The following GABRR3 variants were observed in gnomAD, a reference collection of about 807,000 sequenced individuals.
GABRR3 encodes gamma-aminobutyric acid type A receptor subunit rho3, also known as gamma-aminobutyric acid receptor subunit rho-3.
A neutral mutation model predicts 43.2 loss-of-function variants in GABRR3; 29 were observed. The observed-to-expected ratio is 0.67, with a 90% CI of 0.50 to 0.92. The LOEUF is 0.92. Ranked by LOEUF, GABRR3 falls within the 40% of genes least tolerant of loss-of-function variation. The pLI is 0.00. For missense variants in GABRR3, 576 were observed against 572.3 expected (o/e 1.01, Z -0.07); for synonymous variants, 206 against 195.9 (o/e 1.05, Z -0.43).
Position 98,007,905 on chromosome 3 carries a change from C to T in GABRR3, c.614-1G>A, listed in dbSNP as rs1265447044. On this transcript the variant is annotated splice_acceptor_variant, in intron 6 of 9. Coordinates refer to ENST00000621172, the Ensembl canonical transcript of GABRR3. LOFTEE classifies it high-confidence loss of function. ...ATTAGGTCATCCTCATTGTAGGCAT[C>T]TAAAACATGAAAATATCAGTCTTGT... is the stretch of plus-strand genomic sequence containing the variant. 3 of 1,552,610 alleles carry T rather than the reference C, an allele frequency of 1.9e-6. No individual in the cohort carries two copies. The highest frequency in any genetic ancestry group is 2.6e-6 in the Non-Finnish European group (3 of 1,149,850).
Position 97,995,048 on chromosome 3 carries a change from G to A in GABRR3, c.908-2000C>T, listed in dbSNP as rs574143200. Among the ~76,000 whole-genome samples, 15 of 151,764 alleles carry A rather than the reference G, an allele frequency of 9.9e-5. No homozygotes were observed. In the South Asian group the frequency reaches 1.9e-3, roughly 19 times the overall value. On this transcript the variant is annotated intron_variant, in intron 8 of 9. Transcript: ENST00000621172. ...GGCTGGAGTGCAGTGGCACGATCTCGGCTCACTGCAACCTCCGCCTCCTGG... is the reference window on the plus strand; with the variant it reads ...GGCTGGAGTGCAGTGGCACGATCTCAGCTCACTGCAACCTCCGCCTCCTGG...
chr3:98,005,935 C>T (rs987626247), intron 7 of GABRR3, among the ~76,000 whole-genome samples: 3 of 151,844 alleles, frequency 2.0e-5, no homozygotes, highest in Admixed American at 6.6e-5. Context: ...AGTTATTTTT[C>T]ATTTTAGCAA....
intron 2 of GABRR3, among the ~76,000 whole-genome samples, chr3:98,033,820 G>A (rs768020637): frequency 6.6e-6 from 1 of 152,162 alleles, no homozygotes; most frequent in African/African-American, 2.4e-5. Context: ...GGGTCTGGGA[G>A]CAGAAGCATG....
chr3:98,001,412 CTAAAAT>C (rs1320541042), intron 8 of GABRR3, 197 bp downstream of exon 8: 2 of 575,114 alleles, frequency 3.5e-6, no homozygotes, highest in East Asian at 5.7e-5. Context: ...GACTTCATCC[CTAAAAT>C]CCGGGTTCCC....
intron 4 of GABRR3, among the ~76,000 whole-genome samples, chr3:98,014,062 A>C (rs1706843966): frequency 6.6e-6 from 1 of 152,098 alleles, no homozygotes; most frequent in Non-Finnish European, 1.5e-5. Context: ...AGAAGCAAAA[A>C]CAAATAAACA....
chr3:97,990,355 T>G (rs1459254262), intron 9 of GABRR3, among the ~76,000 whole-genome samples: 1 of 152,086 alleles, frequency 6.6e-6, no homozygotes. Context: ...CTTCTTTTTT[T>G]TTTTTTAGAC....
chr3:98,010,149 G>A (rs953560835), intron 5 of GABRR3, among the ~76,000 whole-genome samples: 1 of 152,158 alleles, frequency 6.6e-6, no homozygotes, highest in Non-Finnish European at 1.5e-5. Context: ...AGAATGACTC[G>A]CAGAACCCAG....
chr3:97,986,761 G>A (rs766402063), exon 10 of GABRR3: 7 of 1,603,368 alleles, frequency 4.4e-6, no homozygotes, highest in African/African-American at 1.3e-5. Context: ...AGGTGTCAAT[G>A]ACATGGTTGT....
intron 5 of GABRR3, among the ~76,000 whole-genome samples, chr3:98,010,562 T>G (rs1054837470): frequency 1.3e-5 from 2 of 152,088 alleles, no homozygotes; most frequent in South Asian, 4.1e-4. Flanking sequence ...TAAACAAAGA[T>G]ACTCTCATCA....
chr3:97,990,302 C>T (rs1706446657), intron 9 of GABRR3, among the ~76,000 whole-genome samples: 2 of 152,052 alleles, frequency 1.3e-5, no homozygotes, highest in Admixed American at 1.3e-4. Context: ...TAACCTGGAA[C>T]ACGAAGCTGG....
At chr3:98,021,191 T>A (rs1026555703) in intron 3 of GABRR3, among the ~76,000 whole-genome samples, 3 of 152,094 alleles carry the variant, frequency 2.0e-5, no homozygotes, top group Non-Finnish European at 4.4e-5. Context: ...TTGAGCTCCA[T>A]GTCCCACTGC....
At chr3:98,005,001 C>T (rs966744367) in intron 7 of GABRR3, among the ~76,000 whole-genome samples, 12 of 151,916 alleles carry the variant, frequency 7.9e-5, no homozygotes, top group Non-Finnish European at 1.6e-4. Flanking sequence ...TGTAATCTTT[C>T]CGAAACCTAA....
rs149665428 is a variant in GABRR3, at chr3:98,021,228, T to C, written c.239-3506A>G. On this transcript the variant is annotated intron_variant, in intron 3 of 9. Transcript: ENST00000621172. The stretch of plus-strand genomic sequence containing the variant: ...CCTTATTCATGGGTTTGAGGAACTG[T>C]ATTACGCTCTAGCATTCTTGAGGAT... Among the ~76,000 whole-genome samples, 4 of 152,102 alleles carry C rather than the reference T, an allele frequency of 2.6e-5. No individual in the cohort carries two copies. The East Asian group carries it at 7.7e-4, about 29-fold the overall frequency.
chr3:98,018,169 G>T (rs1478277956), intron 3 of GABRR3, among the ~76,000 whole-genome samples: 1 of 152,106 alleles, frequency 6.6e-6, no homozygotes, highest in Non-Finnish European at 1.5e-5. Flanking sequence ...AATCCTTGAC[G>T]TGGGCAATGT....
chr3:98,031,548 C>A (rs1326149727), intron 2 of GABRR3, among the ~76,000 whole-genome samples: 1 of 151,930 alleles, frequency 6.6e-6, no homozygotes, highest in Non-Finnish European at 1.5e-5. Flanking sequence ...AGTTTGAGTC[C>A]AGCCTGGGCA....
intron 2 of GABRR3, among the ~76,000 whole-genome samples, chr3:98,030,476 C>T (rs1441583643): frequency 1.3e-5 from 2 of 152,194 alleles, no homozygotes; most frequent in Middle Eastern, 3.4e-3. Flanking sequence ...GGTTTCTATG[C>T]TATGATTTTA....
intron 9 of GABRR3, among the ~76,000 whole-genome samples, chr3:97,987,895 C>T (rs116357953): frequency 0.012 from 1,856 of 152,090 alleles, 46 homozygotes; most frequent in African/African-American, 0.043. Flanking sequence ...TTCCCACCTC[C>T]GCCTCCTGAG....
intron 1 of GABRR3, 90 bp downstream of exon 1, chr3:98,035,100 A>T: frequency 7.8e-7 from 1 of 1,283,182 alleles, no homozygotes; most frequent in Non-Finnish European, 1.1e-6. Context: ...GGGGAAATGC[A>T]TTAGGGGAAA....
intron 9 of GABRR3, among the ~76,000 whole-genome samples, chr3:97,992,192 A>G (rs73853104): frequency 0.047 from 7,199 of 152,192 alleles, 557 homozygotes; most frequent in African/African-American, 0.16. Context: ...CATTCCTAGG[A>G]TACTGTGGGG....
Sources: gnomAD v4.1 joint callset for allele counts (sites outside exome capture counted in the v4.1 genomes callset) on GRCh38, gnomAD v4.1.1 for gene constraint, MANE v1.5 for transcripts, NCBI Gene and HGNC (gene_info 2026-07-23, HGNC 2026-07-21) for gene names.